The following WAC variants were observed in gnomAD, a reference collection of about 807,000 sequenced individuals.
WAC encodes the protein WW domain containing adaptor with coiled-coil, also known as WW domain-containing adapter protein with coiled-coil.
WAC carries 11 observed loss-of-function variants against 79.6 expected under a neutral mutation model. That is an observed-to-expected ratio of 0.14 (90% CI 0.09 to 0.23). The LOEUF (loss-of-function observed/expected upper bound fraction) is 0.23, where lower values mean the gene tolerates loss of function less well. Ranked by LOEUF, WAC falls within the 10% of genes least tolerant of loss-of-function variation. WAC has a pLI of 1.00. For synonymous variants in WAC, 304 were observed against 276.9 expected (o/e 1.10, Z -0.97); for missense variants, 728 against 773.5 (o/e 0.94, Z 0.70).
At position 28,622,421 on chromosome 10, in the gene WAC, CCCTG is replaced by C. The variant is rs1564427116; in HGVS notation, c.*2818_*2821del. The stretch of plus-strand genomic sequence containing the variant: ...GGGAACTTGAGTGGCCTTTCCCTCC[CCCTG>C]CCCCCCCCCCCCCCCCCCCGTTTTA... On this transcript the variant is annotated 3_prime_UTR_variant, in exon 14 of 14. Coordinates refer to ENST00000354911, the MANE Select transcript of WAC (RefSeq NM_016628.5). 6 of 19,940 alleles carry C rather than the reference CCCTG, an allele frequency of 3.0e-4. No individual in the cohort carries two copies. The highest frequency in any genetic ancestry group is 7.1e-4 in the African/African-American group (4 of 5,654). The allele number at this position is 19,940 out of a possible 1,614,324, so 1.2% of individuals were successfully genotyped here.
At chr10:28,601,937 T>C (rs1840667915) in intron 7 of WAC, among the ~76,000 whole-genome samples, 1 of 152,164 alleles carries the variant, frequency 6.6e-6, no homozygotes, top group Admixed American at 6.5e-5. Context: ...TTTGGGAAGA[T>C]GAAAATGTTC....
At chr10:28,556,262 G>A (rs1260852487) in intron 3 of WAC, among the ~76,000 whole-genome samples, 1 of 152,034 alleles carries the variant, frequency 6.6e-6, no homozygotes, top group Non-Finnish European at 1.5e-5. Context: ...CCTAAGAGGT[G>A]TGAGCTAATA....
chr10:28,551,321 T>C (rs1416856597), intron 3 of WAC, among the ~76,000 whole-genome samples: 1 of 152,220 alleles, frequency 6.6e-6, no homozygotes, highest in Non-Finnish European at 1.5e-5. Flanking sequence ...AAAGTGACTT[T>C]TCATCACTTT....
intron 3 of WAC, among the ~76,000 whole-genome samples, chr10:28,577,122 G>A (rs947482162): frequency 5.3e-5 from 8 of 152,108 alleles, no homozygotes; most frequent in African/African-American, 1.9e-4. Flanking sequence ...CCTCCCGCAA[G>A]AGACAAAACC....
chr10:28,556,796 A>T (rs911658657), intron 3 of WAC, among the ~76,000 whole-genome samples: 1 of 152,026 alleles, frequency 6.6e-6, no homozygotes, highest in Non-Finnish European at 1.5e-5. Context: ...CAGTTTTCCC[A>T]GCAACATTTT....
chr10:28,570,136 ACT>A lies in WAC; in HGVS notation c.275-13260_275-13259del, dbSNP rs1473949956. Among the ~76,000 whole-genome samples the A allele has an allele frequency of 7.2e-5, 11 of 152,236 alleles. No individual in the cohort carries two copies. In the East Asian group the frequency reaches 9.7e-4, roughly 13 times the overall value. On this transcript the variant is annotated intron_variant, in intron 3 of 13. Transcript: ENST00000354911. ...TTTACTTAAAGTTTTCCTTGAGGTA[ACT>A]CTGCTGTAATACGCTACCTTTTTTC...
chr10:28,583,595 T>C (rs1839652746), intron 4 of WAC, 90 bp downstream of exon 4: 1 of 866,060 alleles, frequency 1.2e-6, no homozygotes, highest in Non-Finnish European at 1.7e-6. Context: ...TCTTGTAAAA[T>C]CTAATGTCTT....
chr10:28,589,806 G>T lies in WAC; in HGVS notation c.452G>T (p.Arg151Leu). ...GGGAAAAAGTACTACTACAATTGTC[G>T]AACAGAAGTTTCACAATGGGAAAAA... is the stretch of plus-strand genomic sequence containing the variant. The part of the protein sequence containing the change: ...SSGKKYYYNC[R>L]TEVSQWEKPK... The change falls in exon 5 of 14, where the codon CGA becomes CTA. Residue 151 changes from arginine (R) to leucine (L), a missense_variant. Around this residue, in one of 3 missense-constraint regions of WAC, gnomAD observed 648 missense variants for 661.5 expected, o/e 0.98. Transcript: ENST00000354911. The T allele has an allele frequency of 1.2e-6, 2 of 1,613,748 alleles. No homozygotes were observed. Among genetic ancestry groups the T allele is most frequent in the Non-Finnish European group, 8.5e-7 (1 of 1,179,830 alleles).
intron 3 of WAC, among the ~76,000 whole-genome samples, chr10:28,552,849 T>C (rs1481965513): frequency 2.2e-5 from 3 of 136,556 alleles, no homozygotes; most frequent in African/African-American, 8.4e-5. Flanking sequence ...TGGCTGCTTT[T>C]TTTTTTTTTT....
intron 2 of WAC, among the ~76,000 whole-genome samples, chr10:28,534,592 C>G (rs951365317): frequency 1.3e-5 from 2 of 152,188 alleles, no homozygotes; most frequent in Non-Finnish European, 2.9e-5. Flanking sequence ...GATAATCATT[C>G]TGATGTAGGT....
chr10:28,601,192 A>G (rs1327508633), intron 7 of WAC, among the ~76,000 whole-genome samples: 2 of 152,128 alleles, frequency 1.3e-5, no homozygotes, highest in African/African-American at 4.8e-5. Flanking sequence ...GGGATGAATG[A>G]ATATATGTAG....
At chr10:28,616,092 A>G (rs1841454995) in intron 11 of WAC, 81 bp from the exon 12 acceptor site, 4 of 1,119,770 alleles carry the variant, frequency 3.6e-6, no homozygotes, top group Non-Finnish European at 4.9e-6. Context: ...AGTTAATAAA[A>G]GGTATTAACA....
rs780262881 is a variant in WAC, at chr10:28,596,045, T to C, written c.919+4T>C. 4.3e-6 allele frequency: 7 copies of C among 1,612,904 alleles called. No homozygotes were observed. Among genetic ancestry groups the C allele is most frequent in the East Asian group, 2.2e-5 (1 of 44,884 alleles). Reference sequence around the variant, plus strand: ...GCACAGAAAACAGAAAGAAAAGGTATGCCATTATTACTAGATGCTGCACGT... The same window carrying C: ...GCACAGAAAACAGAAAGAAAAGGTACGCCATTATTACTAGATGCTGCACGT... On this transcript the variant is annotated splice_donor_region_variant and intron_variant, in intron 7 of 13. Coordinates refer to ENST00000354911, the MANE Select transcript of WAC (RefSeq NM_016628.5).
intron 3 of WAC, among the ~76,000 whole-genome samples, chr10:28,555,606 T>C (rs1198248274): frequency 6.6e-6 from 1 of 152,058 alleles, no homozygotes; most frequent in African/African-American, 2.4e-5. Context: ...AAACATACAG[T>C]GGTGAGGGGG....
At chr10:28,603,412 T>TA (rs928653587) in intron 7 of WAC, among the ~76,000 whole-genome samples, 1 of 152,180 alleles carries the variant, frequency 6.6e-6, no homozygotes, top group Non-Finnish European at 1.5e-5. Flanking sequence ...GTAGGGCTGA[T>TA]ATATTCTTCA....
intron 3 of WAC, among the ~76,000 whole-genome samples, chr10:28,568,745 C>G (rs1487783141): frequency 2.0e-5 from 3 of 152,062 alleles, no homozygotes; most frequent in African/African-American, 7.2e-5. Flanking sequence ...TTATGTCAGG[C>G]TTATTTATTA....
intron 3 of WAC, among the ~76,000 whole-genome samples, chr10:28,557,565 G>T (rs1838062919): frequency 6.6e-6 from 1 of 152,072 alleles, no homozygotes; most frequent in Admixed American, 6.5e-5. Context: ...GTGGTGGTGT[G>T]CCCCTATGGT....
At chr10:28,541,461 C>G (rs562430729) in intron 3 of WAC, among the ~76,000 whole-genome samples, 144 of 113,092 alleles carry the variant, frequency 1.3e-3, no homozygotes, top group African/African-American at 4.7e-3. Flanking sequence ...CAGTCTCACT[C>G]TGTACCTAGG....
At chr10:28,556,443 A>AT (rs2132456940) in intron 3 of WAC, among the ~76,000 whole-genome samples, 1 of 102,554 alleles carries the variant, frequency 9.8e-6, no homozygotes, top group South Asian at 3.3e-4. Context: ...TTCCTTATAG[A>AT]TTTTGGATAC....
Sources: gnomAD v4.1 joint callset for allele counts (sites outside exome capture counted in the v4.1 genomes callset) on GRCh38, gnomAD v4.1.1 for gene constraint, gnomAD v4.1.1 regional missense constraint, MANE v1.5 for transcripts, NCBI Gene and HGNC (gene_info 2026-07-23, HGNC 2026-07-21) for gene names.